XIRP2: variants seen among roughly 807,000 people sequenced by gnomAD.
XIRP2 encodes xin actin binding repeat containing 2, also known as xin actin-binding repeat-containing protein 2.
A neutral mutation model predicts 277.0 loss-of-function variants in XIRP2; 236 were observed. The ratio of observed to expected loss-of-function variants is 0.85; its 90% CI spans 0.77 to 0.95. XIRP2 has a LOEUF of 0.95. Among genes scored for constraint, XIRP2 ranks in the 40% least tolerant of loss-of-function variants. The pLI is 0.00. For missense variants in XIRP2, 4,640 were observed against 4,157.5 expected (o/e 1.12, Z -3.19); for synonymous variants, 1,490 against 1,416.5 (o/e 1.05, Z -1.17).
At chr2:166,996,551 C>T (rs1286449831) in intron 2 of XIRP2, among the ~76,000 whole-genome samples, 1 of 152,158 alleles carries the variant, frequency 6.6e-6, no homozygotes, top group Non-Finnish European at 1.5e-5. Context: ...TGCTTGACCC[C>T]AGGAGGCAGA....
At chr2:167,040,654 CT>C (rs998955459) in intron 2 of XIRP2, among the ~76,000 whole-genome samples, 14 of 152,248 alleles carry the variant, frequency 9.2e-5, no homozygotes, top group African/African-American at 2.9e-4. Context: ...GGTTTTTAGC[CT>C]TTGTTGGTCA....
chr2:167,203,692 T>C (rs1315816661), intron 3 of XIRP2, among the ~76,000 whole-genome samples: 1 of 152,210 alleles, frequency 6.6e-6, no homozygotes, highest in Non-Finnish European at 1.5e-5. Flanking sequence ...AATATTCAAA[T>C]GAGGATAAGA....
intron 2 of XIRP2, among the ~76,000 whole-genome samples, chr2:166,995,815 A>G (rs1358903910): frequency 6.6e-6 from 1 of 152,180 alleles, no homozygotes; most frequent in African/African-American, 2.4e-5. Context: ...GTTTCCTTGA[A>G]GAGAATTGTG....
At chr2:166,954,610 C>T (rs920513212) in intron 2 of XIRP2, among the ~76,000 whole-genome samples, 1 of 151,874 alleles carries the variant, frequency 6.6e-6, no homozygotes, top group Non-Finnish European at 1.5e-5. Context: ...TATAAAGACA[C>T]GTGCATGCAT....
chr2:167,115,461 T>C (rs1690873338), intron 2 of XIRP2, among the ~76,000 whole-genome samples: 1 of 152,204 alleles, frequency 6.6e-6, no homozygotes, highest in African/African-American at 2.4e-5. Flanking sequence ...TTGTGCTTTC[T>C]TTCTCATTTG....
chr2:166,920,281 A>G (rs993428082), intron 2 of XIRP2, among the ~76,000 whole-genome samples: 31 of 152,180 alleles, frequency 2.0e-4, no homozygotes, highest in African/African-American at 7.2e-4. Flanking sequence ...AATTTGCCCA[A>G]GAGTACACCA....
chr2:167,130,239 C>A lies in XIRP2; in HGVS notation c.409-5670C>A, dbSNP rs533353514. Among the ~76,000 whole-genome samples, 371 of 152,186 alleles carry A rather than the reference C, an allele frequency of 2.4e-3. 4 individuals carry two copies. The highest frequency in any genetic ancestry group is 8.3e-3 in the African/African-American group (346 of 41,552). ...TCTCCTACTTTTTCTTTAAAAAAAA[C>A]CCCTGCTCATCTGAGACTCATTCAG... On this transcript the variant is annotated intron_variant, in intron 2 of 10. Transcript: ENST00000409195.
At chr2:166,916,456 G>A (rs1684882475) in intron 2 of XIRP2, among the ~76,000 whole-genome samples, 1 of 152,076 alleles carries the variant, frequency 6.6e-6, no homozygotes, top group South Asian at 2.1e-4. Context: ...TAACAGGACA[G>A]AAGTTATTAG....
intron 4 of XIRP2, 127 bp downstream of exon 4, chr2:167,211,022 G>C (rs1006509721): frequency 3.4e-6 from 4 of 1,169,578 alleles, no homozygotes; most frequent in Admixed American, 5.5e-5. Context: ...CAAAAATAGT[G>C]TGTGAAATAA....
chr2:166,948,544 C>G (rs1685943735), intron 2 of XIRP2, among the ~76,000 whole-genome samples: 1 of 152,006 alleles, frequency 6.6e-6, no homozygotes, highest in South Asian at 2.1e-4. Flanking sequence ...TTTCAATAAT[C>G]TTTGTGGGCT....
chr2:167,128,919 T>C (rs1476906276), intron 2 of XIRP2, among the ~76,000 whole-genome samples: 1 of 152,160 alleles, frequency 6.6e-6, no homozygotes, highest in East Asian at 1.9e-4. Context: ...GATAGATTAA[T>C]TATTCAAAAA....
intron 2 of XIRP2, among the ~76,000 whole-genome samples, chr2:167,014,171 C>G (rs1323632736): frequency 6.6e-6 from 1 of 151,326 alleles, no homozygotes; most frequent in Non-Finnish European, 1.5e-5. Flanking sequence ...GACTTCCCAT[C>G]TAAGGAAACA....
At chr2:167,106,961 C>T (rs1690634288) in intron 2 of XIRP2, among the ~76,000 whole-genome samples, 1 of 150,802 alleles carries the variant, frequency 6.6e-6, no homozygotes, top group Non-Finnish European at 1.5e-5. Context: ...TCAATATTCA[C>T]ATGTTTATTG....
Position 166,985,372 on chromosome 2 carries a change from T to G in XIRP2, c.408+81482T>G, listed in dbSNP as rs185520193. 2.3e-3 allele frequency among the ~76,000 whole-genome samples: 350 copies of G among 152,340 alleles called. 3 individuals carry two copies. Among genetic ancestry groups the G allele is most frequent in the African/African-American group, 8.1e-3 (338 of 41,578 alleles). ...TACTTACTAACATTGTCAAAGTGTT[T>G]TATTTAGGATTAATACTTTTTATGT... On this transcript the variant is annotated intron_variant, in intron 2 of 10. Transcript: ENST00000409195.
intron 5 of XIRP2, among the ~76,000 whole-genome samples, chr2:167,220,384 G>A (rs1298397420): frequency 6.6e-6 from 1 of 152,144 alleles, no homozygotes. Flanking sequence ...TAAGTATAAA[G>A]TCAATAGTAT....
intron 2 of XIRP2, among the ~76,000 whole-genome samples, chr2:167,106,663 A>G (rs1690626937): frequency 6.6e-6 from 1 of 151,644 alleles, no homozygotes; most frequent in African/African-American, 2.4e-5. Context: ...AGTTTTAGCT[A>G]TGTACTTTCT....
rs150914054 is a variant in XIRP2, at chr2:167,035,625, G to A, written c.409-100284G>A. Among the ~76,000 whole-genome samples the A allele has an allele frequency of 6.6e-3, 1,002 of 152,274 alleles. 3 individuals are homozygous for A. The highest frequency in any genetic ancestry group is 9.2e-3 in the Non-Finnish European group (623 of 68,016). ...TAAGGGAAGCAGAGCATAAAAGGTCGGAACATGGGCAGCCTGACAATGTGA... is the reference window on the plus strand; with the variant it reads ...TAAGGGAAGCAGAGCATAAAAGGTCAGAACATGGGCAGCCTGACAATGTGA... On this transcript the variant is annotated intron_variant, in intron 2 of 10. Transcript: ENST00000409195.
rs1692347741 is a variant in XIRP2, at chr2:167,161,026, C to A, written c.562+24964C>A. ...ATAGGCCCCAGGCAAGTCCAAAATCCAGCAGGGCAGTCAAGTCTTAAAGCT... is the reference window on the plus strand; with the variant it reads ...ATAGGCCCCAGGCAAGTCCAAAATCAAGCAGGGCAGTCAAGTCTTAAAGCT... On this transcript the variant is annotated intron_variant, in intron 3 of 10. Coordinates refer to ENST00000409195, the MANE Select transcript of XIRP2 (RefSeq NM_152381.6). Among the ~76,000 whole-genome samples, 3 of 152,146 alleles carry A rather than the reference C, an allele frequency of 2.0e-5. No homozygotes were observed. The South Asian group carries it at 6.2e-4, about 32-fold the overall frequency.
Position 167,034,979 on chromosome 2 carries a change from T to A in XIRP2, c.409-100930T>A, listed in dbSNP as rs1688471742. ...AGTGAATAAGTCTCATGAGATCCGA[T>A]GGGTTTATCAGGGGTTTCCGCTTTT... On this transcript the variant is annotated intron_variant, in intron 2 of 10. Transcript: ENST00000409195. Among the ~76,000 whole-genome samples, 3 of 152,162 alleles carry A rather than the reference T, an allele frequency of 2.0e-5. No homozygotes were observed. The South Asian group carries it at 6.2e-4, about 31-fold the overall frequency.
Sources: allele counts gnomAD v4.1 joint callset (sites outside exome capture counted in the v4.1 genomes callset), GRCh38; gene constraint gnomAD v4.1.1; transcripts MANE v1.5; gene names NCBI Gene and HGNC (gene_info 2026-07-23, HGNC 2026-07-21).